RALGPS1: variants seen among roughly 807,000 people sequenced by gnomAD.
RALGPS1 encodes Ral GEF with PH domain and SH3 binding motif 1, also known as ras-specific guanine nucleotide-releasing factor RalGPS1.
Under a neutral mutation model 78.8 loss-of-function variants are expected in RALGPS1, and 19 were observed. The observed-to-expected ratio is 0.24, with a 90% CI of 0.17 to 0.35. The LOEUF (loss-of-function observed/expected upper bound fraction) is 0.35. Among genes scored for constraint, RALGPS1 ranks in the 10% least tolerant of loss-of-function variants. The pLI, the probability that RALGPS1 is intolerant of heterozygous loss-of-function variation, is 1.00. For missense variants in RALGPS1, 454 were observed against 688.3 expected (o/e 0.66, Z 3.81); for synonymous variants, 228 against 256.3 (o/e 0.89, Z 1.06).
intron 4 of RALGPS1, among the ~76,000 whole-genome samples, chr9:126,982,318 T>C (rs988611483): frequency 6.6e-6 from 1 of 152,296 alleles, no homozygotes; most frequent in South Asian, 2.1e-4. Flanking sequence ...TCCAGAACTT[T>C]CACAGTTCTG....
At chr9:127,182,846 G>A (rs1253650202) in intron 11 of RALGPS1, among the ~76,000 whole-genome samples, 3 of 152,088 alleles carry the variant, frequency 2.0e-5, no homozygotes, top group Admixed American at 2.0e-4. Flanking sequence ...GGCCATTCTT[G>A]CATCACCATA....
intron 11 of RALGPS1, among the ~76,000 whole-genome samples, chr9:127,176,890 C>T (rs2059910731): frequency 6.6e-6 from 1 of 152,218 alleles, no homozygotes; most frequent in Non-Finnish European, 1.5e-5. Context: ...CTAGCCTCAC[C>T]TCTGCCTGAG....
intron 5 of RALGPS1, among the ~76,000 whole-genome samples, chr9:127,044,141 C>T (rs1476178789): frequency 6.6e-6 from 1 of 152,172 alleles, no homozygotes; most frequent in Non-Finnish European, 1.5e-5. Flanking sequence ...AGATATCATC[C>T]TTCATTAGGT....
chr9:126,946,388 C>T (rs1588573846), intron 1 of RALGPS1, among the ~76,000 whole-genome samples: 1 of 151,848 alleles, frequency 6.6e-6, no homozygotes, highest in African/African-American at 2.4e-5. Flanking sequence ...ACAAAAATTA[C>T]CTGGGCGTGG....
intron 8 of RALGPS1, among the ~76,000 whole-genome samples, chr9:127,086,952 A>T (rs1589388492): frequency 6.6e-6 from 1 of 152,112 alleles, no homozygotes; most frequent in African/African-American, 2.4e-5. Flanking sequence ...GGAGGGATGG[A>T]TTGTCCTTGG....
intron 7 of RALGPS1, among the ~76,000 whole-genome samples, chr9:127,054,535 A>T (rs545473133): frequency 1.3e-5 from 2 of 152,228 alleles, no homozygotes; most frequent in Admixed American, 1.3e-4. Flanking sequence ...GGATGAAGCG[A>T]TGGTGTCCTC....
Position 126,982,784 on chromosome 9 carries a change from CTCTTCTTCTTCTTCT to C in RALGPS1, c.216+5045_216+5059del, listed in dbSNP as rs372888642. The stretch of plus-strand genomic sequence containing the variant: ...TTTAAAATATTTCTTCTTCTTCTTC[CTCTTCTTCTTCTTCT>C]TCTTCCTTCTTTCTTCCTCCTTCTT... On this transcript the variant is annotated intron_variant, in intron 4 of 18. Transcript: ENST00000259351. Among the ~76,000 whole-genome samples the C allele has an allele frequency of 2.7e-5, 4 of 149,424 alleles. No individual in the cohort carries two copies. The East Asian group carries it at 7.8e-4, about 29-fold the overall frequency.
At chr9:127,108,851 C>G (rs1589525902) in intron 8 of RALGPS1, 3 of 1,133,370 alleles carry the variant, frequency 2.6e-6, no homozygotes, top group Admixed American at 5.6e-5. Flanking sequence ...TCAGTGATCC[C>G]AGCCTTCTCG....
At chr9:127,021,214 C>T (rs1193586487) in intron 4 of RALGPS1, among the ~76,000 whole-genome samples, 2 of 151,992 alleles carry the variant, frequency 1.3e-5, no homozygotes, top group African/African-American at 2.4e-5. Context: ...GTAATAAGAC[C>T]CTGCCGGCCA....
At chr9:127,044,992 A>G (rs72764359) in intron 5 of RALGPS1, among the ~76,000 whole-genome samples, 57,896 of 152,112 alleles carry the variant, frequency 0.38, 12,744 homozygotes, top group Non-Finnish European at 0.48. Flanking sequence ...CATTCTGGAA[A>G]AGGTAAAGCT....
rs2060452500 is a variant in RALGPS1, at chr9:127,183,858, G to C, written c.910+9076G>C. ...TACTCTGGGATTTCACATCTCCTTT[G>C]TTCTTGAGTCTCCCATCTCAGCAGC... On this transcript the variant is annotated intron_variant, in intron 11 of 18. Transcript: ENST00000259351. This position sits in a 1 kb window ranked among gnomAD's most constrained non-coding sequence, Gnocchi z 4.0. 1 of 1,546,296 alleles carries C rather than the reference G, an allele frequency of 6.5e-7. No individual in the cohort carries two copies. The highest frequency in any genetic ancestry group is 1.4e-5 in the African/African-American group (1 of 73,028).
chr9:126,932,375 C>A (rs1337673342), intron 1 of RALGPS1, among the ~76,000 whole-genome samples: 4 of 152,162 alleles, frequency 2.6e-5, no homozygotes, highest in Non-Finnish European at 5.9e-5. Flanking sequence ...CCAGCAGTTC[C>A]ACTCCTTGGT....
At chr9:127,188,874 C>G (rs909705666) in intron 11 of RALGPS1, among the ~76,000 whole-genome samples, 2 of 124,012 alleles carry the variant, frequency 1.6e-5, no homozygotes, top group African/African-American at 5.5e-5. Flanking sequence ...GTGGCGTACG[C>G]CTATAATCCC....
At chr9:126,978,891 T>TG (rs2040946029) in intron 4 of RALGPS1, among the ~76,000 whole-genome samples, 1 of 152,292 alleles carries the variant, frequency 6.6e-6, no homozygotes, top group East Asian at 1.9e-4. Flanking sequence ...ATGTGTCCAA[T>TG]GCTGGTCCAG....
At chr9:127,216,762 C>T (rs978804820) in intron 18 of RALGPS1, 27 of 701,096 alleles carry the variant, frequency 3.9e-5, no homozygotes, top group Middle Eastern at 5.3e-4. Flanking sequence ...ACAAGGCTGC[C>T]GCCGCCCCAG....
At chr9:127,081,483 G>A (rs1452943763) in intron 8 of RALGPS1, among the ~76,000 whole-genome samples, 1 of 152,226 alleles carries the variant, frequency 6.6e-6, no homozygotes, top group Non-Finnish European at 1.5e-5. Context: ...CTGCACACTT[G>A]CCTGGGCATT....
intron 8 of RALGPS1, among the ~76,000 whole-genome samples, chr9:127,135,495 AT>A (rs1005708930): frequency 1.3e-5 from 2 of 152,230 alleles, no homozygotes; most frequent in African/African-American, 4.8e-5. Context: ...GCAGGGAAAG[AT>A]TTGAGTGCCC....
intron 8 of RALGPS1, among the ~76,000 whole-genome samples, chr9:127,165,072 C>G (rs984721534): frequency 5.9e-5 from 9 of 152,168 alleles, no homozygotes; most frequent in Non-Finnish European, 8.8e-5. Flanking sequence ...AAATTTGTAA[C>G]CATTAGATCT....
chr9:126,991,698 C>A (rs755341341), intron 4 of RALGPS1, among the ~76,000 whole-genome samples: 1 of 152,148 alleles, frequency 6.6e-6, no homozygotes, highest in African/African-American at 2.4e-5. Context: ...CAAGTTCCCT[C>A]ATCTTTCTGT....
Sources: allele counts gnomAD v4.1 joint callset (sites outside exome capture counted in the v4.1 genomes callset), GRCh38; gene constraint gnomAD v4.1.1; non-coding constraint Gnocchi (gnomAD v3.1); transcripts MANE v1.5; gene names NCBI Gene and HGNC (gene_info 2026-07-23, HGNC 2026-07-21).